Variants in SEC23A observed in about 807,000 individuals in gnomAD.
The protein encoded by SEC23A is SEC23 homolog A, COPII component.
SEC23A carries 56 observed loss-of-function variants against 103.7 expected under a neutral mutation model. That is an observed-to-expected ratio of 0.54 (90% CI 0.44 to 0.67). The LOEUF is 0.67. SEC23A is among the 30% of genes least tolerant of loss of function. The pLI is 0.00. For synonymous variants in SEC23A, 281 were observed against 293.0 expected, an observed-to-expected ratio of 0.96 and a Z score of 0.42; for missense variants, 784 against 936.4, an observed-to-expected ratio of 0.84 and a Z score of 2.12.
intron 7 of SEC23A, among the ~76,000 whole-genome samples, chr14:39,077,171 T>C (rs1422106632): frequency 7.8e-6 from 1 of 128,322 alleles, no homozygotes; most frequent in African/African-American, 3.1e-5. Flanking sequence ...GAGGTTGCAG[T>C]GAGCCAAGAT....
chr14:39,045,263 C>T lies in SEC23A; in HGVS notation c.1799G>A (p.Ser600Asn), dbSNP rs1324178842. The change falls in exon 16 of 20, where the codon AGT becomes AAT. Residue 600 changes from serine to asparagine, a missense_variant. Physicochemically the swap from Ser to Asn is conservative, Grantham distance 46 (BLOSUM62 1). Transcript: ENST00000307712. ...CATAAAATGGTGACGATAATATGAA[C>T]TCTCATCAGGACTATTGTTAAAAAC... is the stretch of plus-strand genomic sequence containing the variant. ...LQVFNNSPDE[S>N]SYYRHHFMRQ... 1.9e-6 allele frequency: 3 copies of T among 1,612,188 alleles called. No homozygotes were observed. The South Asian group carries it at 3.3e-5, about 18-fold the overall frequency.
At chr14:39,100,516 A>G (rs1481469044) in intron 1 of SEC23A, among the ~76,000 whole-genome samples, 2 of 151,326 alleles carry the variant, frequency 1.3e-5, no homozygotes, top group Non-Finnish European at 2.9e-5. Context: ...GGATTCAAGC[A>G]ATTCTCCCGC....
At chr14:39,049,059 A>T (rs1002071731) in intron 14 of SEC23A, among the ~76,000 whole-genome samples, 6 of 152,108 alleles carry the variant, frequency 3.9e-5, no homozygotes, top group Non-Finnish European at 5.9e-5. Flanking sequence ...AACACCAAAA[A>T]GGCTGGCACA....
chr14:39,078,350 G>C (rs1887111247), intron 7 of SEC23A, among the ~76,000 whole-genome samples: 3 of 152,150 alleles, frequency 2.0e-5, no homozygotes, highest in African/African-American at 4.8e-5. Context: ...AATTGTACTG[G>C]ATTATCAAAA....
chr14:39,058,355 C>T (rs1285760533), intron 13 of SEC23A, among the ~76,000 whole-genome samples: 1 of 151,476 alleles, frequency 6.6e-6, no homozygotes, highest in East Asian at 1.9e-4. Flanking sequence ...GGCTGGACTG[C>T]GGACTGCAGT....
rs761257189 is a variant in SEC23A, at chr14:39,093,097, G to A, written c.279+90C>T. The stretch of plus-strand genomic sequence containing the variant: ...TTAGCCAGGATGGTCTCAATCTCCT[G>A]ACCTCGTGATCCACCCGCCTCGGCC... On this transcript the variant is annotated intron_variant, in intron 3 of 19. Coordinates refer to ENST00000307712, the MANE Select transcript of SEC23A (RefSeq NM_006364.4). 4.0e-6 allele frequency: 4 copies of A among 987,784 alleles called. No homozygotes were observed. In the Admixed American group the frequency reaches 5.7e-5, roughly 14 times the overall value. The allele number at this position is 987,784 out of a possible 1,614,324, so 61.2% of individuals were successfully genotyped here.
chr14:39,032,212 G>T lies in SEC23A; in HGVS notation c.*1027C>A, dbSNP rs1399679327. ...ATATTTGCTACAAGTAAACTTTAAA[G>T]GTAAAAGTGAATACTAATGAATAAA... On this transcript the variant is annotated 3_prime_UTR_variant, in exon 20 of 20. Transcript: ENST00000307712. The T allele has an allele frequency of 6.6e-6, 1 of 152,402 alleles. No homozygotes were observed. The highest frequency in any genetic ancestry group is 2.4e-5 in the African/African-American group (1 of 41,382). The allele number at this position is 152,402 out of a possible 1,614,324, so 9.4% of individuals were successfully genotyped here. A position where few individuals can be genotyped will look rare whatever the true frequency, so the allele number is the denominator to read the frequency against.
At chr14:39,042,542 T>C (rs1377492407) in intron 17 of SEC23A, among the ~76,000 whole-genome samples, 3 of 152,258 alleles carry the variant, frequency 2.0e-5, no homozygotes, top group South Asian at 2.1e-4. Context: ...GTGTTCTTAC[T>C]TTCACAACAC....
chr14:39,075,648 A>C (rs1334368903), intron 8 of SEC23A, among the ~76,000 whole-genome samples: 1 of 152,212 alleles, frequency 6.6e-6, no homozygotes, highest in Non-Finnish European at 1.5e-5. Flanking sequence ...CTAAACAGAA[A>C]GGCATTCTTT....
At chr14:39,076,972 A>C (rs1047730939) in intron 7 of SEC23A, among the ~76,000 whole-genome samples, 2 of 151,574 alleles carry the variant, frequency 1.3e-5, no homozygotes, top group African/African-American at 4.9e-5. Flanking sequence ...GACGCCTGTA[A>C]TCCCAGCACT....
chr14:39,081,559 C>T (rs1270574587), intron 7 of SEC23A, among the ~76,000 whole-genome samples: 1 of 152,172 alleles, frequency 6.6e-6, no homozygotes, highest in African/African-American at 2.4e-5. Context: ...TCCTAAGCTT[C>T]TTTCTAACAG....
At chr14:39,053,226 T>C (rs1008267531) in intron 14 of SEC23A, among the ~76,000 whole-genome samples, 1 of 152,224 alleles carries the variant, frequency 6.6e-6, no homozygotes, top group Admixed American at 6.5e-5. Context: ...TGTCACATGA[T>C]GCTGGAGACA....
intron 6 of SEC23A, 106 bp downstream of exon 6, chr14:39,086,823 C>T (rs1290830161): frequency 2.0e-5 from 14 of 710,404 alleles, no homozygotes; most frequent in Non-Finnish European, 3.1e-5. Context: ...ACTTATATTC[C>T]TAAAAATATT....
chr14:39,054,258 G>C (rs965709772), intron 14 of SEC23A, among the ~76,000 whole-genome samples: 1 of 151,120 alleles, frequency 6.6e-6, no homozygotes, highest in Admixed American at 6.6e-5. Flanking sequence ...CTGGGTGACA[G>C]AGTGAGACCC....
chr14:39,090,234 T>A (rs1488510772), intron 5 of SEC23A, among the ~76,000 whole-genome samples: 1 of 152,170 alleles, frequency 6.6e-6, no homozygotes. Flanking sequence ...TTATCTATCA[T>A]CTTCTAGGGT....
At chr14:39,069,055 A>G (rs1045602396) in intron 9 of SEC23A, among the ~76,000 whole-genome samples, 3 of 152,312 alleles carry the variant, frequency 2.0e-5, no homozygotes, top group African/African-American at 7.2e-5. Context: ...CTAAGTCATC[A>G]TTATACCTGA....
chr14:39,032,558 G>A lies in SEC23A; in HGVS notation c.*681C>T, dbSNP rs1237384035. 6.6e-6 allele frequency: 1 copy of A among 152,434 alleles called. No individual in the cohort carries two copies. The allele number at this position is 152,434 out of a possible 1,614,324, so 9.4% of individuals were successfully genotyped here. A position where few individuals can be genotyped will look rare whatever the true frequency, so the allele number is the denominator to read the frequency against. On this transcript the variant is annotated 3_prime_UTR_variant, in exon 20 of 20. Coordinates refer to ENST00000307712, the MANE Select transcript of SEC23A (RefSeq NM_006364.4). The stretch of plus-strand genomic sequence containing the variant: ...TCTCCCCTTTTAAAAAAACTACTGC[G>A]TTTAGTCACATAAGTTGGATATTTT...
chr14:39,059,292 A>AAAAAT (rs1886377980), intron 13 of SEC23A, among the ~76,000 whole-genome samples: 1 of 112,258 alleles, frequency 8.9e-6, no homozygotes, highest in Non-Finnish European at 1.9e-5. Context: ...AAAAAAAAAA[A>AAAAAT]AAAAAAAAAA....
At chr14:39,036,200 T>G (rs969280723) in intron 19 of SEC23A, among the ~76,000 whole-genome samples, 2 of 151,310 alleles carry the variant, frequency 1.3e-5, no homozygotes, top group Admixed American at 6.6e-5. Context: ...TGTGTGCCTG[T>G]AGTCCCAGCT....
Sources: gnomAD v4.1 joint callset for allele counts (sites outside exome capture counted in the v4.1 genomes callset) on GRCh38, gnomAD v4.1.1 for gene constraint, MANE v1.5 for transcripts, NCBI Gene and HGNC (gene_info 2026-07-23, HGNC 2026-07-21) for gene names.